The following CACNA1E variants were observed in gnomAD, a reference collection of about 807,000 sequenced individuals.
CACNA1E encodes calcium voltage-gated channel subunit alpha1 E, also known as voltage-dependent R-type calcium channel subunit alpha-1E.
In CACNA1E, 40 loss-of-function variants were observed where a neutral mutation model predicts 259.2. The ratio of observed to expected loss-of-function variants is 0.15; its 90% CI spans 0.12 to 0.20. The LOEUF (loss-of-function observed/expected upper bound fraction) is 0.20, where lower values mean the gene tolerates loss of function less well. Ranked by LOEUF, CACNA1E falls within the 10% of genes least tolerant of loss-of-function variation. CACNA1E has a pLI of 1.00. For missense variants in CACNA1E, 1,874 were observed against 3,040.1 expected, an observed-to-expected ratio of 0.62 and a Z score of 9.02; for synonymous variants, 1,104 against 1,138.5, an observed-to-expected ratio of 0.97 and a Z score of 0.61.
At chr1:181,394,291 T>C (rs1401436647) in intron 1 of CACNA1E, among the ~76,000 whole-genome samples, 1 of 152,258 alleles carries the variant, frequency 6.6e-6, no homozygotes, top group Admixed American at 6.5e-5. Flanking sequence ...TAAGATAGCA[T>C]ATTTAAAGTG....
intron 7 of CACNA1E, among the ~76,000 whole-genome samples, chr1:181,699,345 C>T (rs1369229799): frequency 6.6e-6 from 1 of 152,114 alleles, no homozygotes; most frequent in Admixed American, 6.6e-5. Flanking sequence ...CTTTTAGGGA[C>T]AGATGTTATT....
intron 2 of CACNA1E, among the ~76,000 whole-genome samples, chr1:181,478,232 T>G (rs2102440360): frequency 6.6e-6 from 1 of 152,276 alleles, no homozygotes; most frequent in South Asian, 2.1e-4. Context: ...AAATGAATGG[T>G]TTTTAAAACA....
At chr1:181,344,754 G>A (rs960667743) in intron 1 of CACNA1E, among the ~76,000 whole-genome samples, 1 of 152,166 alleles carries the variant, frequency 6.6e-6, no homozygotes, top group Admixed American at 6.5e-5. Context: ...AAGATAGAGG[G>A]CCCTTTCTTG....
chr1:181,570,205 G>C (rs1650272887), intron 3 of CACNA1E, among the ~76,000 whole-genome samples: 1 of 150,614 alleles, frequency 6.6e-6, no homozygotes, highest in South Asian at 2.1e-4. Flanking sequence ...AGCTTCCCCA[G>C]TGGCACCAGT....
intron 1 of CACNA1E, among the ~76,000 whole-genome samples, chr1:181,386,465 G>A (rs1278265991): frequency 6.6e-6 from 1 of 152,178 alleles, no homozygotes; most frequent in Non-Finnish European, 1.5e-5. Context: ...GCCACAGTAG[G>A]CAGTTTGAGG....
chr1:181,646,734 C>T (rs1658300791), intron 6 of CACNA1E, among the ~76,000 whole-genome samples: 2 of 152,166 alleles, frequency 1.3e-5, no homozygotes, highest in African/African-American at 4.8e-5. Context: ...GCTCTATCCC[C>T]ATCTTTCTCT....
intron 38 of CACNA1E, among the ~76,000 whole-genome samples, chr1:181,781,170 G>A (rs142019136): frequency 3.3e-5 from 5 of 152,250 alleles, no homozygotes; most frequent in East Asian, 1.9e-4. Flanking sequence ...TGTGTGGGGC[G>A]TGATATAAAC....
intron 34 of CACNA1E, among the ~76,000 whole-genome samples, chr1:181,763,809 A>C (rs985530315): frequency 3.9e-5 from 6 of 152,188 alleles, no homozygotes; most frequent in African/African-American, 1.4e-4. Flanking sequence ...CAGGGGACAC[A>C]TTTTATAAGA....
Position 181,522,643 on chromosome 1 carries a change from C to T in CACNA1E, c.512+11133C>T, listed in dbSNP as rs1054239558. ...AATATAACATTTTGTGATTTAGGGG[C>T]CCTTACATCCTTCCAGTGGGGAGCT... On this transcript the variant is annotated intron_variant, in intron 3 of 47. Coordinates refer to ENST00000367573, the MANE Select transcript of CACNA1E (RefSeq NM_001205293.3). Among the ~76,000 whole-genome samples the T allele has an allele frequency of 2.6e-4, 39 of 152,082 alleles. 1 individual carries two copies. The highest frequency in any genetic ancestry group is 5.3e-4 in the Non-Finnish European group (36 of 68,016).
intron 3 of CACNA1E, among the ~76,000 whole-genome samples, chr1:181,513,538 A>G (rs1169038106): frequency 2.0e-5 from 3 of 152,210 alleles, no homozygotes; most frequent in Admixed American, 1.3e-4. Context: ...TTTATGAGAC[A>G]TTTTACAAGG....
At chr1:181,443,061 C>T (rs914396822) in intron 2 of CACNA1E, among the ~76,000 whole-genome samples, 1 of 152,228 alleles carries the variant, frequency 6.6e-6, no homozygotes, top group Non-Finnish European at 1.5e-5. Context: ...TAGTAGGAAG[C>T]ACTAGGCTAG....
At chr1:181,556,935 C>T (rs2102867359) in intron 3 of CACNA1E, among the ~76,000 whole-genome samples, 1 of 152,324 alleles carries the variant, frequency 6.6e-6, no homozygotes, top group South Asian at 2.1e-4. Context: ...AGTACTTTCT[C>T]TCCCTCCCTT....
At chr1:181,767,962 T>C (rs941870039) in intron 35 of CACNA1E, among the ~76,000 whole-genome samples, 3 of 152,242 alleles carry the variant, frequency 2.0e-5, no homozygotes, top group Non-Finnish European at 4.4e-5. Flanking sequence ...TGATGTATAA[T>C]TGTAGATATT....
At chr1:181,359,873 C>T (rs1653730864) in intron 1 of CACNA1E, among the ~76,000 whole-genome samples, 1 of 152,188 alleles carries the variant, frequency 6.6e-6, no homozygotes, top group Non-Finnish European at 1.5e-5. Flanking sequence ...GGATCACCTC[C>T]TTTCCTTACG....
intron 21 of CACNA1E, 54 bp from the exon 22 acceptor site, chr1:181,736,221 G>A: frequency 6.5e-7 from 1 of 1,532,640 alleles, no homozygotes; most frequent in Non-Finnish European, 8.8e-7. Flanking sequence ...CACAAATGGT[G>A]CCATTTTCAC....
In CACNA1E at chr1:181,683,701, G is replaced by C. The variant is rs1038442403; in HGVS notation, c.1056-27253G>C. 3.3e-5 allele frequency among the ~76,000 whole-genome samples: 5 copies of C among 152,154 alleles called. No individual in the cohort carries two copies. The South Asian group carries it at 6.2e-4, about 19-fold the overall frequency. On this transcript the variant is annotated intron_variant, in intron 7 of 47. Coordinates refer to ENST00000367573, the MANE Select transcript of CACNA1E (RefSeq NM_001205293.3). ...GAGAACATGCAGTATTTGGTTTTCT[G>C]TTTCTGCATGAAGTCACTTAGGATA...
chr1:181,747,242 T>C (rs1042268550), intron 25 of CACNA1E, among the ~76,000 whole-genome samples: 1 of 152,244 alleles, frequency 6.6e-6, no homozygotes, highest in Non-Finnish European at 1.5e-5. Flanking sequence ...CTTTAGAACC[T>C]GATGTCCCTG....
intron 13 of CACNA1E, 116 bp downstream of exon 13, chr1:181,719,979 C>T: frequency 1.3e-6 from 1 of 744,110 alleles, no homozygotes; most frequent in African/African-American, 1.8e-5. Context: ...CCCTTCCCTG[C>T]CCCACCCCTT....
At chr1:181,696,263 C>T (rs188405118) in intron 7 of CACNA1E, among the ~76,000 whole-genome samples, 1 of 150,408 alleles carries the variant, frequency 6.6e-6, no homozygotes, top group Non-Finnish European at 1.5e-5. Flanking sequence ...TTTTTGTAAG[C>T]TTAGGAATGC....
Sources: gnomAD v4.1 joint callset for allele counts (sites outside exome capture counted in the v4.1 genomes callset) on GRCh38, gnomAD v4.1.1 for gene constraint, MANE v1.5 for transcripts, NCBI Gene and HGNC (gene_info 2026-07-23, HGNC 2026-07-21) for gene names.